Variants in PRKG1 observed in about 807,000 individuals in gnomAD.
PRKG1 encodes the protein protein kinase cGMP-dependent 1.
A neutral mutation model predicts 88.1 loss-of-function variants in PRKG1; 35 were observed. That is an observed-to-expected ratio of 0.40 (90% CI 0.30 to 0.53). PRKG1 has a LOEUF of 0.53. Ranked by LOEUF, PRKG1 falls within the 20% of genes least tolerant of loss-of-function variation. PRKG1 has a pLI of 0.59. For synonymous variants in PRKG1, 303 were observed against 292.5 expected (o/e 1.04, Z -0.37); for missense variants, 540 against 839.8 (o/e 0.64, Z 4.41).
At chr10:51,112,198 A>G (rs1369066279) in intron 1 of PRKG1, among the ~76,000 whole-genome samples, 1 of 152,138 alleles carries the variant, frequency 6.6e-6, no homozygotes, top group Non-Finnish European at 1.5e-5. Flanking sequence ...TGCAGTGGTA[A>G]GCACTAGCTA....
In PRKG1 at chr10:51,856,966, T is replaced by TAAAAAAAAA. The variant is rs748890081; in HGVS notation, c.699-50533_699-50532insAAAAAAAAA. On this transcript the variant is annotated intron_variant, in intron 4 of 17. Coordinates refer to ENST00000373980, the MANE Select transcript of PRKG1 (RefSeq NM_006258.4). Reference sequence around the variant, plus strand: ...GCGACAGAGCGAGACTCCGTCTTACTAAAAAAAAGAAAAAAAAAAAAAGAA... The same window carrying TAAAAAAAAA: ...GCGACAGAGCGAGACTCCGTCTTACTAAAAAAAAAAAAAAAAAGAAAAAAAAAAAAAGAA... 9.3e-5 allele frequency among the ~76,000 whole-genome samples: 9 copies of TAAAAAAAAA among 96,728 alleles called. 2 individuals carry two copies. The highest frequency in any genetic ancestry group is 1.2e-4 in the Non-Finnish European group (6 of 49,080). The allele number at this position is 96,728 out of a possible 152,430, so 63.5% of individuals were successfully genotyped here.
chr10:51,714,303 A>G (rs534131574), intron 3 of PRKG1, among the ~76,000 whole-genome samples: 1 of 152,226 alleles, frequency 6.6e-6, no homozygotes, highest in East Asian at 1.9e-4. Flanking sequence ...TTACACTTAT[A>G]TAGGGCTTAC....
chr10:52,219,348 A>G (rs1414321350), intron 9 of PRKG1, among the ~76,000 whole-genome samples: 6 of 152,324 alleles, frequency 3.9e-5, no homozygotes, highest in Admixed American at 1.3e-4. Context: ...AACTCTCTGC[A>G]TAAGAGTCCA....
chr10:51,444,670 G>T (rs1226307149), intron 2 of PRKG1, among the ~76,000 whole-genome samples: 1 of 151,914 alleles, frequency 6.6e-6, no homozygotes. Context: ...GATTGTAATA[G>T]TAATTTCATT....
At chr10:52,263,778 C>T (rs984838046) in intron 10 of PRKG1, among the ~76,000 whole-genome samples, 19 of 151,970 alleles carry the variant, frequency 1.3e-4, no homozygotes, top group African/African-American at 4.1e-4. Context: ...CCATGTTGCC[C>T]ATGGCTGGTC....
intron 5 of PRKG1, among the ~76,000 whole-genome samples, chr10:52,023,083 C>G (rs1448540431): frequency 6.6e-6 from 1 of 152,162 alleles, no homozygotes; most frequent in East Asian, 1.9e-4. Flanking sequence ...CACACCCCGA[C>G]AGGTCCTGGT....
Position 51,066,458 on chromosome 10 carries a change from C to T in PRKG1, c.266+74814C>T, listed in dbSNP as rs551304568. On this transcript the variant is annotated intron_variant, in intron 1 of 17. Coordinates refer to the PRKG1 transcript ENST00000401604. ...GTAGTTGACAGTACTGTTTGTGGGA[C>T]GAGAACTGTGTGTTCTTGTCTCAGA... Among the ~76,000 whole-genome samples the T allele has an allele frequency of 5.4e-4, 82 of 152,130 alleles. 1 individual carries two copies. The highest frequency in any genetic ancestry group is 3.4e-3 in the Middle Eastern group (1 of 294).
chr10:51,040,369 AG>A (rs1240936540), intron 1 of PRKG1, among the ~76,000 whole-genome samples: 1 of 115,680 alleles, frequency 8.6e-6, no homozygotes, highest in African/African-American at 3.4e-5. Flanking sequence ...CCCAGGCTGG[AG>A]TGCAATGGTG....
At chr10:51,810,116 G>A (rs1839417129) in intron 4 of PRKG1, among the ~76,000 whole-genome samples, 2 of 152,108 alleles carry the variant, frequency 1.3e-5, no homozygotes, top group Admixed American at 6.5e-5. Flanking sequence ...ATAAATGTCT[G>A]ATTTCCCTTC....
At chr10:51,220,827 AT>A (rs1339479912) in intron 2 of PRKG1, among the ~76,000 whole-genome samples, 2 of 152,178 alleles carry the variant, frequency 1.3e-5, no homozygotes, top group African/African-American at 2.4e-5. Context: ...AGCAATTTCA[AT>A]TTGGAGAAGA....
At chr10:51,645,406 T>C (rs1473103502) in intron 3 of PRKG1, among the ~76,000 whole-genome samples, 1 of 152,156 alleles carries the variant, frequency 6.6e-6, no homozygotes, top group Non-Finnish European at 1.5e-5. Flanking sequence ...GAACTACAAA[T>C]AAATAAGCAA....
rs151194916 is a variant in PRKG1, at chr10:51,371,279, A to G, written c.479-96444A>G. ...ATGCCAGGAATGGTGGCTCATGCCT[A>G]TGGTCCCAGCTACTTGGGAGGTTGA... On this transcript the variant is annotated intron_variant, in intron 2 of 17. Transcript: ENST00000373980. Among the ~76,000 whole-genome samples the G allele has an allele frequency of 3.9e-3, 594 of 152,042 alleles. 5 individuals are homozygous for G. Among genetic ancestry groups the G allele is most frequent in the African/African-American group, 0.012 (497 of 41,494 alleles).
intron 5 of PRKG1, among the ~76,000 whole-genome samples, chr10:52,046,146 A>G (rs1036579260): frequency 6.6e-6 from 1 of 152,146 alleles, no homozygotes; most frequent in Non-Finnish European, 1.5e-5. Flanking sequence ...TGGTAAAGAC[A>G]TTAAACTTTA....
At chr10:51,584,358 A>T (rs1838120005) in intron 3 of PRKG1, among the ~76,000 whole-genome samples, 1 of 152,120 alleles carries the variant, frequency 6.6e-6, no homozygotes, top group African/African-American at 2.4e-5. Context: ...AGATTCAAAA[A>T]CTAAAATCTA....
intron 3 of PRKG1, among the ~76,000 whole-genome samples, chr10:51,782,275 T>A (rs1403044143): frequency 6.6e-6 from 1 of 152,142 alleles, no homozygotes; most frequent in Non-Finnish European, 1.5e-5. Context: ...TGACTTACAA[T>A]ATTTTCAACT....
intron 3 of PRKG1, among the ~76,000 whole-genome samples, chr10:51,764,046 A>G (rs550748922): frequency 1.7e-4 from 26 of 152,186 alleles, no homozygotes; most frequent in Non-Finnish European, 2.9e-4. Flanking sequence ...CCATCTCTCA[A>G]TGCTGCCACA....
intron 2 of PRKG1, among the ~76,000 whole-genome samples, chr10:51,301,907 T>C (rs979314539): frequency 3.9e-5 from 6 of 152,094 alleles, no homozygotes; most frequent in Non-Finnish European, 7.4e-5. Flanking sequence ...TCAGGATGAG[T>C]GTGTGACTGC....
At chr10:51,544,850 A>G (rs1017195792) in intron 3 of PRKG1, among the ~76,000 whole-genome samples, 1 of 152,180 alleles carries the variant, frequency 6.6e-6, no homozygotes, top group Non-Finnish European at 1.5e-5. Flanking sequence ...AAAATCAAAC[A>G]GCCCCATCAA....
At chr10:51,499,459 T>A (rs1166105652) in intron 3 of PRKG1, among the ~76,000 whole-genome samples, 1 of 152,178 alleles carries the variant, frequency 6.6e-6, no homozygotes, top group African/African-American at 2.4e-5. Flanking sequence ...TTTTAAATCA[T>A]CTAGTGGAAT....
Sources: gnomAD v4.1 joint callset for allele counts (sites outside exome capture counted in the v4.1 genomes callset) on GRCh38, gnomAD v4.1.1 for gene constraint, MANE v1.5 for transcripts, NCBI Gene and HGNC (gene_info 2026-07-23, HGNC 2026-07-21) for gene names.